The following CDH23 variants were observed in gnomAD, a reference collection of about 807,000 sequenced individuals.
CDH23 encodes the protein cadherin related 23.
A neutral mutation model predicts 317.1 loss-of-function variants in CDH23; 189 were observed. The observed-to-expected ratio is 0.60, with a 90% CI of 0.53 to 0.67. The LOEUF is 0.67. Ranked by LOEUF, CDH23 falls within the 30% of genes least tolerant of loss-of-function variation. The pLI is 0.00. For synonymous variants in CDH23, 1,839 were observed against 1,876.8 expected, an observed-to-expected ratio of 0.98 and a Z score of 0.52; for missense variants, 4,401 against 4,592.4, an observed-to-expected ratio of 0.96 and a Z score of 1.20.
At chr10:71,432,091 C>A (rs1379631865) in intron 1 of CDH23, among the ~76,000 whole-genome samples, 1 of 152,138 alleles carries the variant, frequency 6.6e-6, no homozygotes, top group Non-Finnish European at 1.5e-5. Flanking sequence ...TTCCTCCAAC[C>A]TGGGCAAAGG....
In CDH23 at chr10:71,741,756, C is replaced by A; in HGVS notation, c.4680C>A (p.Asn1560Lys). ...CCACTGACCGTGACATCGGGATCAACAGTGTTCTGTCCTACTACATCACCG... is the reference window on the plus strand; with the variant it reads ...CCACTGACCGTGACATCGGGATCAAAAGTGTTCTGTCCTACTACATCACCG... ...VRATDRDIGI[N>K]SVLSYYITEG... Residue 1560 changes from asparagine to lysine, a missense_variant, in exon 38 of 70, where the codon AAC (asparagine) becomes AAA (lysine). Coordinates refer to ENST00000224721, the MANE Select transcript of CDH23 (RefSeq NM_022124.6). 4 of 1,612,774 alleles carry A rather than the reference C, an allele frequency of 2.5e-6. No individual in the cohort carries two copies. The highest frequency in any genetic ancestry group is 2.5e-6 in the Non-Finnish European group (3 of 1,179,398).
intron 3 of CDH23, among the ~76,000 whole-genome samples, chr10:71,481,697 C>A (rs1003864337): frequency 1.3e-5 from 2 of 152,222 alleles, no homozygotes; most frequent in Non-Finnish European, 2.9e-5. Context: ...CAAATGGGAG[C>A]AAAGGACTTC....
At chr10:71,721,086 A>G (rs10823832) in intron 28 of CDH23, among the ~76,000 whole-genome samples, 23,581 of 152,158 alleles carry the variant, frequency 0.15, 3,755 homozygotes, top group African/African-American at 0.39. Flanking sequence ...TCCTGAGATG[A>G]CAGAAGACAA....
intron 6 of CDH23, among the ~76,000 whole-genome samples, chr10:71,524,878 G>C (rs540651772): frequency 6.6e-6 from 1 of 152,268 alleles, no homozygotes; most frequent in Non-Finnish European, 1.5e-5. Flanking sequence ...CCTCCAGAAG[G>C]AACGCAGCCC....
At chr10:71,544,058 G>A (rs1207491023) in intron 6 of CDH23, among the ~76,000 whole-genome samples, 1 of 152,236 alleles carries the variant, frequency 6.6e-6, no homozygotes, top group Non-Finnish European at 1.5e-5. Flanking sequence ...CGTGGGGCAG[G>A]ATAGGATAAG....
intron 38 of CDH23, chr10:71,760,671 C>G (rs1227388380): frequency 3.4e-6 from 2 of 596,314 alleles, no homozygotes; most frequent in Non-Finnish European, 6.1e-6. Flanking sequence ...GACTCCAGAG[C>G]AGATGGAAGG....
chr10:71,716,251 A>G, intron 28 of CDH23: 1 of 1,549,046 alleles, frequency 6.5e-7, no homozygotes, highest in Non-Finnish European at 8.7e-7. Flanking sequence ...TTGCCTCTGC[A>G]AGGGTCCCGG....
At chr10:71,426,786 A>T (rs1849096874) in intron 1 of CDH23, among the ~76,000 whole-genome samples, 1 of 152,180 alleles carries the variant, frequency 6.6e-6, no homozygotes, top group Admixed American at 6.5e-5. Context: ...TTCAATGGTT[A>T]TTAGGGCATG....
At chr10:71,469,243 A>G (rs1564599898) in intron 3 of CDH23, among the ~76,000 whole-genome samples, 1 of 152,242 alleles carries the variant, frequency 6.6e-6, no homozygotes. Flanking sequence ...CCATTAAGAT[A>G]GCGAACATAT....
chr10:71,567,277 G>A (rs1008775650), intron 7 of CDH23, among the ~76,000 whole-genome samples: 2 of 152,202 alleles, frequency 1.3e-5, no homozygotes, highest in African/African-American at 4.8e-5. Flanking sequence ...TAGCCTGCTC[G>A]GGTAACTTCC....
intron 36 of CDH23, among the ~76,000 whole-genome samples, chr10:71,740,064 G>A (rs1224059296): frequency 6.6e-6 from 1 of 152,188 alleles, no homozygotes; most frequent in Non-Finnish European, 1.5e-5. Context: ...AGCTGGGAGA[G>A]CCCCAGCTCT....
chr10:71,803,047 G>T lies in CDH23; in HGVS notation c.7632G>T (p.Leu2544Phe), dbSNP rs775191895. 1.9e-6 allele frequency: 3 copies of T among 1,612,610 alleles called. No individual in the cohort carries two copies. The highest frequency in any genetic ancestry group is 2.5e-6 in the Non-Finnish European group (3 of 1,178,950). Residue 2544 changes from leucine (L) to phenylalanine (F), a missense_variant, in exon 54 of 70, where the codon TTG (leucine) becomes TTT (phenylalanine). Around this residue, in one of 3 missense-constraint regions of CDH23, gnomAD observed 1,144 missense variants for 1,138.2 expected, o/e 1.01. Coordinates refer to ENST00000224721, the MANE Select transcript of CDH23 (RefSeq NM_022124.6). ...AGGATGAAGGTCCCAATGGAGAGTT[G>T]ACCTACTCACTTGAGGGCCCTGGCG... Reference protein sequence around the residue: ...TDQDEGPNGELTYSLEGPGVE... With the variant: ...TDQDEGPNGEFTYSLEGPGVE...
chr10:71,487,615 G>C (rs1852422150), intron 3 of CDH23, among the ~76,000 whole-genome samples: 1 of 152,158 alleles, frequency 6.6e-6, no homozygotes, highest in Non-Finnish European at 1.5e-5. Context: ...AGTTTAAAAA[G>C]AATCGTTAAA....
chr10:71,398,430 T>TGA (rs1847627058), intron 1 of CDH23, among the ~76,000 whole-genome samples: 1 of 67,188 alleles, frequency 1.5e-5, no homozygotes, highest in South Asian at 5.9e-4. Context: ...GACACAGGAG[T>TGA]GTGTGTGTGT....
At chr10:71,704,438 G>A (rs1865702724) in intron 24 of CDH23, among the ~76,000 whole-genome samples, 1 of 152,100 alleles carries the variant, frequency 6.6e-6, no homozygotes, top group Non-Finnish European at 1.5e-5. Flanking sequence ...TTTTAAAAAA[G>A]AACCCTTGAT....
chr10:71,651,593 C>CA (rs377242446), intron 14 of CDH23, among the ~76,000 whole-genome samples: 11 of 150,456 alleles, frequency 7.3e-5, no homozygotes, highest in African/African-American at 2.7e-4. Flanking sequence ...ACAGCATGTG[C>CA]AAAGGCCCCG....
At chr10:71,622,855 A>AC (rs1483343535) in intron 11 of CDH23, 1 of 827,246 alleles carries the variant, frequency 1.2e-6, no homozygotes, top group Non-Finnish European at 1.5e-6. Context: ...TCTCTTCCCC[A>AC]CCCCAGAGAG....
chr10:71,548,556 C>G (rs1856412814), intron 6 of CDH23, among the ~76,000 whole-genome samples: 1 of 152,200 alleles, frequency 6.6e-6, no homozygotes, highest in African/African-American at 2.4e-5. Flanking sequence ...GAGGAAAACA[C>G]AGTCCCATGT....
intron 12 of CDH23, among the ~76,000 whole-genome samples, chr10:71,644,117 A>G (rs1862711265): frequency 6.6e-6 from 1 of 152,228 alleles, no homozygotes; most frequent in Non-Finnish European, 1.5e-5. Flanking sequence ...ATGTGACGGG[A>G]CGCATTCCAC....
Sources: allele counts gnomAD v4.1 joint callset (sites outside exome capture counted in the v4.1 genomes callset), GRCh38; gene constraint gnomAD v4.1.1; regional missense constraint gnomAD v4.1.1; transcripts MANE v1.5; gene names NCBI Gene and HGNC (gene_info 2026-07-23, HGNC 2026-07-21).